The following A2M variants were observed in gnomAD, a reference collection of about 807,000 sequenced individuals.
A2M encodes the protein C3 and PZP-like alpha-2-macroglobulin domain-containing protein 5.
A neutral mutation model predicts 183.9 loss-of-function variants in A2M; 128 were observed. That is an observed-to-expected ratio of 0.70 (90% CI 0.60 to 0.81). The LOEUF (loss-of-function observed/expected upper bound fraction) is 0.81, where lower values mean the gene tolerates loss of function less well. Among genes scored for constraint, A2M ranks in the 30% least tolerant of loss-of-function variants. The pLI is 0.00. For missense variants in A2M, 1,495 were observed against 1,787.6 expected (o/e 0.84, Z 2.95); for synonymous variants, 592 against 670.8 (o/e 0.88, Z 1.81).
intron 29 of A2M, 66 bp downstream of exon 29, chr12:9,074,494 G>A: frequency 2.7e-6 from 4 of 1,457,576 alleles, no homozygotes; most frequent in Non-Finnish European, 3.7e-6. Flanking sequence ...GGATGTGTTT[G>A]TTTCTTTTTC....
At chr12:9,114,924 A>G (rs1939010759) in intron 1 of A2M, among the ~76,000 whole-genome samples, 1 of 152,234 alleles carries the variant, frequency 6.6e-6, no homozygotes, top group South Asian at 2.1e-4. Flanking sequence ...ATATAAAATT[A>G]AAATACTTTT....
rs1379617166 is a variant in A2M at position 9,101,138 on chromosome 12, A to T, written c.1558+6T>A. ...GCAGCAATGCAGAGATGATGGAAAT[A>T]CTCACTGTCTTCCTGCTTCACAAGC... On this transcript the variant is annotated splice_donor_region_variant and intron_variant, in intron 13 of 35. Transcript: ENST00000318602. 6.4e-7 allele frequency: 1 copy of T among 1,557,574 alleles called. No homozygotes were observed. Among genetic ancestry groups the T allele is most frequent in the African/African-American group, 1.4e-5 (1 of 73,326 alleles).
intron 32 of A2M, among the ~76,000 whole-genome samples, chr12:9,070,016 A>T (rs1391646582): frequency 6.6e-6 from 1 of 152,232 alleles, no homozygotes; most frequent in African/African-American, 2.4e-5. Flanking sequence ...TAATGTGTAA[A>T]GTTATTTATC....
At chr12:9,105,332 C>G (rs778862555) in intron 10 of A2M, among the ~76,000 whole-genome samples, 1 of 152,278 alleles carries the variant, frequency 6.6e-6, no homozygotes, top group African/African-American at 2.4e-5. Context: ...TATTTAACAG[C>G]AATAAAATGT....
At chr12:9,077,519 T>C in intron 26 of A2M, 99 bp from the exon 27 acceptor site, 1 of 1,454,760 alleles carries the variant, frequency 6.9e-7, no homozygotes, top group Non-Finnish European at 9.5e-7. Flanking sequence ...TCCTTACCCA[T>C]ATCCATCCCT....
intron 2 of A2M, chr12:9,112,768 C>T (rs1429960022): frequency 1.2e-5 from 6 of 512,490 alleles, no homozygotes; most frequent in African/African-American, 3.8e-5. Context: ...GTGAGATTCA[C>T]ACCTTCATAC....
chr12:9,087,376 A>T (rs1046506307), intron 22 of A2M, among the ~76,000 whole-genome samples: 3 of 152,194 alleles, frequency 2.0e-5, no homozygotes, highest in Non-Finnish European at 4.4e-5. Flanking sequence ...TTAAATCTGG[A>T]GGAGATTATG....
intron 22 of A2M, among the ~76,000 whole-genome samples, chr12:9,083,706 C>A (rs924812722): frequency 2.7e-5 from 4 of 148,740 alleles, no homozygotes; most frequent in Admixed American, 6.7e-5. Flanking sequence ...AAGAAAGAGA[C>A]TATAAAGCAC....
At position 9,112,153 on chromosome 12, in the gene A2M, A is replaced by G. The variant is rs775749287; in HGVS notation, c.483+6T>C. On this transcript the variant is annotated splice_donor_region_variant and intron_variant, in intron 4 of 35. Coordinates refer to ENST00000318602, the MANE Select transcript of A2M (RefSeq NM_000014.6). Reference sequence around the variant, plus strand: ...AATCATTTTATGTAGATAATAGAAAACTCACCAACTCATTCAGGGGGTGAA... The same window carrying G: ...AATCATTTTATGTAGATAATAGAAAGCTCACCAACTCATTCAGGGGGTGAA... 3 of 1,613,378 alleles carry G rather than the reference A, an allele frequency of 1.9e-6. No individual in the cohort carries two copies. Among genetic ancestry groups the G allele is most frequent in the Non-Finnish European group, 2.5e-6 (3 of 1,179,442 alleles).
rs1431081805 is a variant in A2M at position 9,076,954 on chromosome 12, G to C, written c.3352-18C>G. 2 of 1,559,228 alleles carry C rather than the reference G, an allele frequency of 1.3e-6. No homozygotes were observed. Among genetic ancestry groups the C allele is most frequent in the East Asian group, 4.5e-5 (2 of 44,356 alleles). ...ACAGGGTGCTGTGAAGGCAGAACAA[G>C]AAGGGAACTAAGCTATGTAAACAGG... On this transcript the variant is annotated intron_variant, in intron 27 of 35. Transcript: ENST00000318602.
chr12:9,085,292 C>T (rs911027974), intron 22 of A2M, among the ~76,000 whole-genome samples: 25 of 152,100 alleles, frequency 1.6e-4, no homozygotes, highest in African/African-American at 6.0e-4. Context: ...AGACTGAAAT[C>T]GTTTCATCGT....
In A2M at chr12:9,077,810, A is replaced by T. The variant is rs1310014072; in HGVS notation, c.3167T>A (p.Ile1056Asn). The T allele has an allele frequency of 2.5e-6, 4 of 1,614,076 alleles. No individual in the cohort carries two copies. Among genetic ancestry groups the T allele is most frequent in the Non-Finnish European group, 2.5e-6 (3 of 1,180,030 alleles). The change falls in exon 26 of 36, where the codon ATC becomes AAC. Residue 1056 changes from isoleucine (I) to asparagine (N), a missense_variant. Transcript: ENST00000318602. ...GGTAATGTGTGCTTCATCGATGAAGATGTAGGCTCGAGCTTGGGCAAAAGT... is the reference window on the plus strand; with the variant it reads ...GGTAATGTGTGCTTCATCGATGAAGTTGTAGGCTCGAGCTTGGGCAAAAGT... Reference protein sequence around the residue: ...LKTFAQARAYIFIDEAHITQA... With the variant: ...LKTFAQARAYNFIDEAHITQA...
chr12:9,109,306 A>C lies in A2M; in HGVS notation c.758+15T>G. On this transcript the variant is annotated intron_variant, in intron 7 of 35. Coordinates refer to ENST00000318602, the MANE Select transcript of A2M (RefSeq NM_000014.6). ...AAATAATCCCCCACAAAAGATTTTT[A>C]AAAAATGAACTCACAGGCCACACAC... The C allele has an allele frequency of 6.3e-7, 1 of 1,594,902 alleles. No individual in the cohort carries two copies. Among genetic ancestry groups the C allele is most frequent in the Non-Finnish European group, 8.6e-7 (1 of 1,163,614 alleles).
chr12:9,080,068 G>T, intron 23 of A2M, 26 bp downstream of exon 23: 1 of 1,472,546 alleles, frequency 6.8e-7, no homozygotes, highest in Non-Finnish European at 9.2e-7. Flanking sequence ...GTTAATGCCC[G>T]GATCCACTAG....
At position 9,106,348 on chromosome 12, in the gene A2M, G is replaced by GA. The variant is rs1196569582; in HGVS notation, c.995-4dup. The stretch of plus-strand genomic sequence containing the variant: ...CTGCCTTCCAGTCAATTCCACCACT[G>GA]AAAAAAGAGAAAAAAATCTGTTATT... On this transcript the variant is annotated splice_polypyrimidine_tract_variant and splice_region_variant and intron_variant, in intron 9 of 35. Coordinates refer to ENST00000318602, the MANE Select transcript of A2M (RefSeq NM_000014.6). 6.3e-7 allele frequency: 1 copy of GA among 1,576,896 alleles called. No individual in the cohort carries two copies. Among genetic ancestry groups the GA allele is most frequent in the Non-Finnish European group, 8.7e-7 (1 of 1,153,946 alleles).
At chr12:9,098,036 T>C (rs1949437801) in intron 15 of A2M, among the ~76,000 whole-genome samples, 1 of 152,232 alleles carries the variant, frequency 6.6e-6, no homozygotes, top group Non-Finnish European at 1.5e-5. Flanking sequence ...TGAAACTAGT[T>C]TGACAACTCC....
At chr12:9,089,398 G>A (rs1029105794) in intron 21 of A2M, 147 bp from the exon 22 acceptor site, 42 of 651,270 alleles carry the variant, frequency 6.4e-5, no homozygotes, top group Admixed American at 4.3e-4. Flanking sequence ...AGCAATATAC[G>A]TAGGAGGTAG....
chr12:9,111,741 C>G (rs1034943140), intron 4 of A2M, among the ~76,000 whole-genome samples: 1 of 152,080 alleles, frequency 6.6e-6, no homozygotes, highest in African/African-American at 2.4e-5. Flanking sequence ...TCACAGATAC[C>G]AAGAGTTAGT....
At chr12:9,077,042 C>T (rs1948769482) in intron 27 of A2M, 106 bp from the exon 28 acceptor site, 1 of 980,980 alleles carries the variant, frequency 1.0e-6, no homozygotes, top group African/African-American at 1.6e-5. Context: ...ACGCATTTTT[C>T]CAACGATTCC....
Sources: allele counts gnomAD v4.1 joint callset (sites outside exome capture counted in the v4.1 genomes callset), GRCh38; gene constraint gnomAD v4.1.1; transcripts MANE v1.5; gene names NCBI Gene and HGNC (gene_info 2026-07-23, HGNC 2026-07-21).